The following KANK1 variants were observed in gnomAD, a reference collection of about 807,000 sequenced individuals.
The protein encoded by KANK1 is KN motif and ankyrin repeat domain-containing protein 1.
KANK1 carries 109 observed loss-of-function variants against 106.2 expected under a neutral mutation model. The observed-to-expected ratio is 1.03, with a 90% confidence interval of 0.88 to 1.20. The LOEUF (loss-of-function observed/expected upper bound fraction) is 1.20, where lower values mean the gene tolerates loss of function less well. Ranked by LOEUF, KANK1 falls within the 50% of genes most tolerant of loss-of-function variation. KANK1 has a pLI of 0.00. For synonymous variants in KANK1, 873 were observed against 652.2 expected (o/e 1.34, Z -5.16); for missense variants, 2,399 against 1,710.7 (o/e 1.40, Z -7.10).
At chr9:633,212 C>CT (rs1836205498) in intron 1 of KANK1, among the ~76,000 whole-genome samples, 1 of 152,128 alleles carries the variant, frequency 6.6e-6, no homozygotes, top group Non-Finnish European at 1.5e-5. Flanking sequence ...AATCCCAGCA[C>CT]TTTGAGAGCC....
At chr9:583,489 G>A (rs938332639) in intron 1 of KANK1, among the ~76,000 whole-genome samples, 2 of 151,912 alleles carry the variant, frequency 1.3e-5, no homozygotes, top group Admixed American at 6.6e-5. Flanking sequence ...AATAAAATAC[G>A]CTGGGGAAAC....
At chr9:607,393 G>C (rs950688561) in intron 1 of KANK1, among the ~76,000 whole-genome samples, 1 of 147,812 alleles carries the variant, frequency 6.8e-6, no homozygotes, top group Non-Finnish European at 1.5e-5. Flanking sequence ...GGTGAGGCAG[G>C]AGAATCGCTT....
chr9:562,878 A>G (rs1206375288), intron 1 of KANK1, among the ~76,000 whole-genome samples: 1 of 152,154 alleles, frequency 6.6e-6, no homozygotes, highest in African/African-American at 2.4e-5. Flanking sequence ...TATTTGTTGA[A>G]TGAAAAAAAT....
Position 638,890 on chromosome 9 carries a change from C to T in KANK1, c.-83-38000C>T, listed in dbSNP as rs563585666. On this transcript the variant is annotated intron_variant, in intron 1 of 11. Coordinates refer to ENST00000382297, the MANE Select transcript of KANK1 (RefSeq NM_015158.5). Reference sequence around the variant, plus strand: ...ACAGATAAAAGGGCATCAGCAATGTCGACAACTTAGGAGTAGTTCATTCCT... The same window carrying T: ...ACAGATAAAAGGGCATCAGCAATGTTGACAACTTAGGAGTAGTTCATTCCT... Among the ~76,000 whole-genome samples the T allele has an allele frequency of 1.6e-4, 24 of 152,306 alleles. 1 individual carries two copies. The highest frequency in any genetic ancestry group is 3.4e-3 in the Middle Eastern group (1 of 294).
chr9:720,711 C>G (rs1564075844), intron 3 of KANK1, among the ~76,000 whole-genome samples: 1 of 152,162 alleles, frequency 6.6e-6, no homozygotes, highest in Non-Finnish European at 1.5e-5. Flanking sequence ...GGTTGGAATG[C>G]AGTCTCAATC....
intron 1 of KANK1, among the ~76,000 whole-genome samples, chr9:583,061 G>A (rs564585545): frequency 6.6e-6 from 1 of 152,142 alleles, no homozygotes; most frequent in Middle Eastern, 3.2e-3. Context: ...ATTTACTAGA[G>A]AAACTTAAAA....
At chr9:539,515 G>T (rs1587631095) in intron 1 of KANK1, 1 of 151,746 alleles carries the variant, frequency 6.6e-6, no homozygotes, top group East Asian at 1.9e-4. Context: ...TTTTGAGACA[G>T]GGTCTCACTC....
intron 1 of KANK1, among the ~76,000 whole-genome samples, chr9:578,329 CTGTGTGTG>C (rs33959144): frequency 6.7e-6 from 1 of 149,692 alleles, no homozygotes; most frequent in South Asian, 2.1e-4. Context: ...TATTTTTCAA[CTGTGTGTG>C]TGTGTGTGTG....
At chr9:509,312 G>C (rs1205719357) in intron 1 of KANK1, among the ~76,000 whole-genome samples, 2 of 152,114 alleles carry the variant, frequency 1.3e-5, no homozygotes, top group East Asian at 3.9e-4. Context: ...TGGCCGGGAT[G>C]GTCTCCATCT....
intron 1 of KANK1, among the ~76,000 whole-genome samples, chr9:529,256 T>C (rs150170630): frequency 2.0e-4 from 24 of 121,984 alleles, no homozygotes; most frequent in African/African-American, 6.1e-4. Flanking sequence ...CACACACACA[T>C]ATACACACAC....
chr9:688,334 G>A (rs1819030191), intron 2 of KANK1, among the ~76,000 whole-genome samples: 1 of 152,210 alleles, frequency 6.6e-6, no homozygotes, highest in Non-Finnish European at 1.5e-5. Flanking sequence ...TGCTGGGTGT[G>A]GTGGCTCATG....
At chr9:728,347 C>T (rs1349732347) in intron 3 of KANK1, among the ~76,000 whole-genome samples, 2 of 152,008 alleles carry the variant, frequency 1.3e-5, no homozygotes, top group Admixed American at 6.6e-5. Context: ...ACAGGCACCC[C>T]CCACCATGCG....
chr9:525,144 G>A (rs901433026), intron 1 of KANK1, among the ~76,000 whole-genome samples: 2 of 151,062 alleles, frequency 1.3e-5, no homozygotes, highest in Admixed American at 1.3e-4. Flanking sequence ...ACAGGCATGC[G>A]CCACCACACC....
chr9:600,356 G>A (rs758873558), intron 1 of KANK1, among the ~76,000 whole-genome samples: 6 of 151,618 alleles, frequency 4.0e-5, no homozygotes, highest in Non-Finnish European at 8.8e-5. Flanking sequence ...GTTGTAACAT[G>A]TGTCCAAATT....
chr9:545,741 TTTTTTTTTTTA>T (rs1297581848), intron 1 of KANK1, among the ~76,000 whole-genome samples: 2 of 146,996 alleles, frequency 1.4e-5, no homozygotes, highest in Non-Finnish European at 3.0e-5. Flanking sequence ...TTTTTTTTTT[TTTTTTTTTTTA>T]AATTCCCTGA....
chr9:649,698 T>C (rs1051525622), intron 1 of KANK1, among the ~76,000 whole-genome samples: 9 of 152,194 alleles, frequency 5.9e-5, no homozygotes, highest in Admixed American at 5.9e-4. Context: ...GCATTCCTTC[T>C]TAAAGGCCCA....
At chr9:738,555 G>T in intron 8 of KANK1, 51 bp downstream of exon 8, 1 of 1,448,722 alleles carries the variant, frequency 6.9e-7, no homozygotes, top group Non-Finnish European at 9.7e-7. Context: ...CTTGGGTTGT[G>T]ACTCATCTCA....
intron 1 of KANK1, among the ~76,000 whole-genome samples, chr9:596,335 T>G (rs1419340977): frequency 6.6e-6 from 1 of 151,914 alleles, no homozygotes; most frequent in East Asian, 1.9e-4. Context: ...CATGGTTTAG[T>G]TTCCTCACCT....
chr9:665,193 C>A (rs777554571), intron 1 of KANK1, among the ~76,000 whole-genome samples: 3 of 152,072 alleles, frequency 2.0e-5, no homozygotes, highest in Non-Finnish European at 2.9e-5. Context: ...TGTCCATTTT[C>A]GTTTTTGTTG....
Sources: allele counts gnomAD v4.1 joint callset (sites outside exome capture counted in the v4.1 genomes callset), GRCh38; gene constraint gnomAD v4.1.1; transcripts MANE v1.5; gene names NCBI Gene and HGNC (gene_info 2026-07-23, HGNC 2026-07-21).